The following CAMK1D variants were observed in gnomAD, a reference collection of about 807,000 sequenced individuals.
The protein encoded by CAMK1D is calcium/calmodulin-dependent protein kinase type 1D.
CAMK1D carries 9 observed loss-of-function variants against 47.7 expected under a neutral mutation model. That is an observed-to-expected ratio of 0.19 (90% CI 0.11 to 0.33). The LOEUF (loss-of-function observed/expected upper bound fraction) is 0.33, where lower values mean the gene tolerates loss of function less well. CAMK1D is among the 10% of genes least tolerant of loss of function. CAMK1D has a pLI of 1.00. For missense variants in CAMK1D, 291 were observed against 488.7 expected (o/e 0.60, Z 3.81); for synonymous variants, 184 against 184.9 (o/e 0.99, Z 0.04).
intron 2 of CAMK1D, among the ~76,000 whole-genome samples, chr10:12,654,420 G>T (rs571208013): frequency 2.6e-5 from 4 of 152,246 alleles, no homozygotes; most frequent in Admixed American, 2.6e-4. Context: ...GAGACTCCTG[G>T]TGCTAATTTT....
chr10:12,594,073 G>T (rs1838075042), intron 2 of CAMK1D, among the ~76,000 whole-genome samples: 1 of 152,192 alleles, frequency 6.6e-6, no homozygotes, highest in Admixed American at 6.5e-5. Context: ...CTACTTGGGA[G>T]GCTGAGGCAG....
At chr10:12,733,801 C>G (rs1835007546) in intron 3 of CAMK1D, among the ~76,000 whole-genome samples, 1 of 152,104 alleles carries the variant, frequency 6.6e-6, no homozygotes, top group South Asian at 2.1e-4. Context: ...TTTTTTTGGC[C>G]AAAGAATTGA....
At chr10:12,786,706 G>C (rs189009021) in intron 5 of CAMK1D, among the ~76,000 whole-genome samples, 1 of 152,192 alleles carries the variant, frequency 6.6e-6, no homozygotes, top group African/African-American at 2.4e-5. Context: ...ATAGGCATGA[G>C]CCACTACATG....
chr10:12,568,456 T>A lies in CAMK1D; in HGVS notation c.224+15100T>A, dbSNP rs150730998. 4.9e-3 allele frequency among the ~76,000 whole-genome samples: 309 copies of A among 62,478 alleles called. 8 individuals carry two copies. The Middle Eastern group carries it at 0.079, about 16-fold the overall frequency. 41.0% of individuals were successfully genotyped at this position (62,478 alleles called of 152,430 possible). On this transcript the variant is annotated intron_variant, in intron 2 of 10. Transcript: ENST00000619168. ...CTCCCCTTCCTTTCCTTTCCTTCCT[T>A]CCTCTTTTCTCTCTCCTTTTCTTTC... is the stretch of plus-strand genomic sequence containing the variant.
At chr10:12,673,109 G>A (rs1475430470) in intron 3 of CAMK1D, among the ~76,000 whole-genome samples, 1 of 151,732 alleles carries the variant, frequency 6.6e-6, no homozygotes, top group East Asian at 1.9e-4. Context: ...GGTCTCGAAT[G>A]CCTGAGCTCA....
chr10:12,793,832 C>T (rs1239270168), intron 6 of CAMK1D, among the ~76,000 whole-genome samples: 3 of 152,208 alleles, frequency 2.0e-5, no homozygotes, highest in Non-Finnish European at 4.4e-5. Flanking sequence ...CAGTAGGCAA[C>T]TAACCACGTT....
chr10:12,791,468 T>C (rs1435805753), intron 6 of CAMK1D, among the ~76,000 whole-genome samples: 2 of 152,148 alleles, frequency 1.3e-5, no homozygotes, highest in African/African-American at 4.8e-5. Context: ...ACCCCTTACA[T>C]AAAAACTCCT....
intron 3 of CAMK1D, among the ~76,000 whole-genome samples, chr10:12,691,945 T>C (rs190028182): frequency 6.6e-5 from 10 of 152,326 alleles, no homozygotes; most frequent in African/African-American, 2.4e-4. Context: ...CCAGCAACAA[T>C]GAAGGCAAGT....
chr10:12,502,555 C>A (rs79884962), intron 1 of CAMK1D, among the ~76,000 whole-genome samples: 1 of 152,342 alleles, frequency 6.6e-6, no homozygotes, highest in Non-Finnish European at 1.5e-5. Context: ...TTTACCTCCA[C>A]CATACAGAGG....
intron 1 of CAMK1D, among the ~76,000 whole-genome samples, chr10:12,469,387 C>A (rs1036258812): frequency 2.1e-5 from 3 of 144,486 alleles, no homozygotes; most frequent in Non-Finnish European, 4.5e-5. Flanking sequence ...TGCAATTAAC[C>A]CTTTCTTCCA....
At chr10:12,362,012 T>C (rs1446178062) in intron 1 of CAMK1D, among the ~76,000 whole-genome samples, 5 of 151,950 alleles carry the variant, frequency 3.3e-5, no homozygotes, top group Non-Finnish European at 7.4e-5. Flanking sequence ...CTTTCTTTCT[T>C]CCCCCTTCTT....
intron 1 of CAMK1D, among the ~76,000 whole-genome samples, chr10:12,506,204 A>G (rs1004878654): frequency 1.3e-5 from 2 of 152,126 alleles, no homozygotes; most frequent in Non-Finnish European, 2.9e-5. Context: ...GGATCACTTG[A>G]GGCCAGGAGT....
At chr10:12,513,573 T>G (rs1374247127) in intron 1 of CAMK1D, among the ~76,000 whole-genome samples, 1 of 151,970 alleles carries the variant, frequency 6.6e-6, no homozygotes, top group Non-Finnish European at 1.5e-5. Flanking sequence ...ATTGCTTGAG[T>G]CCAGGAGTTC....
intron 2 of CAMK1D, among the ~76,000 whole-genome samples, chr10:12,655,369 G>A (rs971915037): frequency 6.6e-6 from 1 of 152,162 alleles, no homozygotes; most frequent in Admixed American, 6.5e-5. Flanking sequence ...CCATGTTCAA[G>A]CATTGAGGAT....
intron 1 of CAMK1D, among the ~76,000 whole-genome samples, chr10:12,420,432 A>G (rs1478208994): frequency 6.6e-6 from 1 of 152,202 alleles, no homozygotes; most frequent in Non-Finnish European, 1.5e-5. Flanking sequence ...TTTTGTTTTC[A>G]TAACTCCAAC....
At chr10:12,811,256 TAAC>T (rs1271719901) in intron 6 of CAMK1D, among the ~76,000 whole-genome samples, 3 of 152,254 alleles carry the variant, frequency 2.0e-5, no homozygotes, top group Admixed American at 6.5e-5. Flanking sequence ...GAACATTCGT[TAAC>T]AACCCTGGGA....
At chr10:12,553,808 C>T (rs1375212326) in intron 2 of CAMK1D, among the ~76,000 whole-genome samples, 1 of 152,236 alleles carries the variant, frequency 6.6e-6, no homozygotes, top group Non-Finnish European at 1.5e-5. Context: ...GTGCTGTCGC[C>T]ACCGCTGTGA....
intron 2 of CAMK1D, among the ~76,000 whole-genome samples, chr10:12,641,146 T>C (rs921088393): frequency 6.6e-6 from 1 of 152,086 alleles, no homozygotes; most frequent in Non-Finnish European, 1.5e-5. Context: ...TTTTTGTGTC[T>C]TTAGTAGAGA....
intron 3 of CAMK1D, among the ~76,000 whole-genome samples, chr10:12,674,035 T>C (rs2132581066): frequency 6.6e-6 from 1 of 152,284 alleles, no homozygotes; most frequent in East Asian, 1.9e-4. Context: ...AGCCTCCAAC[T>C]CCTGGGCTCA....
Sources: allele counts gnomAD v4.1 joint callset (sites outside exome capture counted in the v4.1 genomes callset), GRCh38; gene constraint gnomAD v4.1.1; transcripts MANE v1.5; gene names NCBI Gene and HGNC (gene_info 2026-07-23, HGNC 2026-07-21).